Variants in MNAT1 observed in about 807,000 individuals in gnomAD.
The protein encoded by MNAT1 is CDK-activating kinase assembly factor MAT1.
A neutral mutation model predicts 42.0 loss-of-function variants in MNAT1; 43 were observed. That is an observed-to-expected ratio of 1.02 (90% CI 0.80 to 1.32). MNAT1 has a LOEUF of 1.32. Among genes scored for constraint, MNAT1 ranks in the 40% most tolerant of loss-of-function variants. MNAT1 has a pLI of 0.00. For synonymous variants in MNAT1, 118 were observed against 120.0 expected (o/e 0.98, Z 0.11); for missense variants, 306 against 350.4 (o/e 0.87, Z 1.01).
chr14:60,801,916 A>C (rs2032213526), intron 3 of MNAT1, among the ~76,000 whole-genome samples: 1 of 152,252 alleles, frequency 6.6e-6, no homozygotes, highest in Non-Finnish European at 1.5e-5. Flanking sequence ...AATGTGGTAC[A>C]TATGCACCAT....
At chr14:60,910,846 A>G (rs779604527) in intron 7 of MNAT1, among the ~76,000 whole-genome samples, 10 of 152,252 alleles carry the variant, frequency 6.6e-5, no homozygotes, top group East Asian at 5.8e-4. Context: ...CATACAATGC[A>G]TTAGGGAGGA....
chr14:60,825,478 C>A (rs1318752055), intron 6 of MNAT1, among the ~76,000 whole-genome samples: 1 of 152,124 alleles, frequency 6.6e-6, no homozygotes, highest in Non-Finnish European at 1.5e-5. Context: ...TTTTGTTGAA[C>A]GCCTGCTATA....
At chr14:60,892,488 A>C (rs1415277040) in intron 7 of MNAT1, among the ~76,000 whole-genome samples, 2 of 152,064 alleles carry the variant, frequency 1.3e-5, no homozygotes, top group Non-Finnish European at 2.9e-5. Flanking sequence ...TTTGAATCCA[A>C]AGTTAGTTTC....
chr14:60,926,609 C>A (rs888404136), intron 7 of MNAT1, among the ~76,000 whole-genome samples: 9 of 152,186 alleles, frequency 5.9e-5, no homozygotes, highest in African/African-American at 1.9e-4. Context: ...GGAAGAGGTG[C>A]ATAGTTGGGG....
At chr14:60,777,414 G>A (rs969673576) in intron 1 of MNAT1, among the ~76,000 whole-genome samples, 5 of 151,934 alleles carry the variant, frequency 3.3e-5, no homozygotes, top group African/African-American at 7.2e-5. Flanking sequence ...GCAAGACCTC[G>A]TCTTTACTTG....
rs536814744 is a variant in MNAT1, at chr14:60,754,662, TC to T, written c.89+19712del. Among the ~76,000 whole-genome samples the T allele has an allele frequency of 7.3e-4, 111 of 152,268 alleles. 2 individuals are homozygous for T. Among genetic ancestry groups the T allele is most frequent in the Non-Finnish European group, 4.4e-5 (3 of 68,022 alleles). The stretch of plus-strand genomic sequence containing the variant: ...CCGCGCCTGGCAATAGGGAGAAATT[TC>T]TAAGGGCGCATGTTCAACAAGCCAT... On this transcript the variant is annotated intron_variant, in intron 1 of 7. Transcript: ENST00000261245.
At chr14:60,933,323 G>A (rs1016818548) in intron 7 of MNAT1, among the ~76,000 whole-genome samples, 7 of 151,778 alleles carry the variant, frequency 4.6e-5, no homozygotes, top group African/African-American at 1.2e-4. Flanking sequence ...CCGTTCTTCC[G>A]TATAATTTTG....
intron 6 of MNAT1, among the ~76,000 whole-genome samples, chr14:60,847,400 T>A (rs1229920627): frequency 1.4e-5 from 2 of 142,220 alleles, no homozygotes; most frequent in Non-Finnish European, 3.0e-5. Flanking sequence ...TGAGACAACG[T>A]CTCAAAAAAA....
At chr14:60,949,145 T>C (rs1467051571) in intron 7 of MNAT1, among the ~76,000 whole-genome samples, 1 of 152,178 alleles carries the variant, frequency 6.6e-6, no homozygotes, top group Non-Finnish European at 1.5e-5. Flanking sequence ...TTTTGTTCCA[T>C]AAAAAATTAG....
chr14:60,788,964 G>T (rs1160635508), intron 1 of MNAT1, among the ~76,000 whole-genome samples: 1 of 152,280 alleles, frequency 6.6e-6, no homozygotes, highest in South Asian at 2.1e-4. Context: ...TTCCTTCGAG[G>T]ACTTTTCCTT....
intron 1 of MNAT1, among the ~76,000 whole-genome samples, chr14:60,792,109 T>C (rs1373977294): frequency 1.3e-5 from 2 of 152,214 alleles, no homozygotes; most frequent in Non-Finnish European, 1.5e-5. Context: ...TATTTGTAAA[T>C]TGACTGCCTT....
intron 1 of MNAT1, among the ~76,000 whole-genome samples, chr14:60,748,200 A>G (rs2029914461): frequency 6.7e-6 from 1 of 149,282 alleles, no homozygotes. Context: ...CTGTCTCAGA[A>G]AAAAAAAAAA....
intron 7 of MNAT1, among the ~76,000 whole-genome samples, chr14:60,894,277 GTT>G (rs781579357): frequency 6.9e-6 from 1 of 144,218 alleles, no homozygotes. Flanking sequence ...AGGCTTGGAT[GTT>G]TTTTTTTTTT....
chr14:60,947,231 C>G (rs921892641), intron 7 of MNAT1, among the ~76,000 whole-genome samples: 4 of 151,918 alleles, frequency 2.6e-5, no homozygotes, highest in Non-Finnish European at 4.4e-5. Flanking sequence ...CCTAGGACCC[C>G]AACATATAAA....
intron 6 of MNAT1, among the ~76,000 whole-genome samples, chr14:60,872,734 T>A (rs2034353277): frequency 1.3e-5 from 2 of 151,530 alleles, no homozygotes; most frequent in African/African-American, 4.8e-5. Flanking sequence ...TAATGAAAAA[T>A]TTCAAAAATA....
chr14:60,787,715 G>A (rs2031694367), intron 1 of MNAT1, among the ~76,000 whole-genome samples: 1 of 152,136 alleles, frequency 6.6e-6, no homozygotes, highest in Non-Finnish European at 1.5e-5. Flanking sequence ...AGTGTTCACA[G>A]CATCTTCACC....
At chr14:60,750,258 G>C (rs554524042) in intron 1 of MNAT1, among the ~76,000 whole-genome samples, 4 of 149,288 alleles carry the variant, frequency 2.7e-5, no homozygotes, top group African/African-American at 9.9e-5. Flanking sequence ...ACGGAATCTC[G>C]TTCTGTCGCC....
rs112532848 is a variant in MNAT1, at chr14:60,921,096, G to A, written c.809+41261G>A. Among the ~76,000 whole-genome samples, 997 of 152,096 alleles carry A rather than the reference G, an allele frequency of 6.6e-3. 4 individuals carry two copies. The highest frequency in any genetic ancestry group is 0.01 in the Non-Finnish European group (695 of 67,974). ...CATGAATTTTCTAGCTAAATTAAAC[G>A]TAGGAAACAATACAATAAGGAAAAC... On this transcript the variant is annotated intron_variant, in intron 7 of 7. Transcript: ENST00000261245.
intron 7 of MNAT1, among the ~76,000 whole-genome samples, chr14:60,949,690 A>G (rs965004543): frequency 1.2e-4 from 19 of 152,142 alleles, no homozygotes; most frequent in Non-Finnish European, 2.8e-4. Context: ...TTAACCAACT[A>G]ACTGGCTAAT....
Sources: allele counts gnomAD v4.1 joint callset (sites outside exome capture counted in the v4.1 genomes callset), GRCh38; gene constraint gnomAD v4.1.1; transcripts MANE v1.5; gene names NCBI Gene and HGNC (gene_info 2026-07-23, HGNC 2026-07-21).